The following MTG1 variants were observed in gnomAD, a reference collection of about 807,000 sequenced individuals.
The protein encoded by MTG1 is mitochondrial ribosome-associated GTPase 1.
A neutral mutation model predicts 39.5 loss-of-function variants in MTG1; 30 were observed. The ratio of observed to expected loss-of-function variants is 0.76; its 90% CI spans 0.57 to 1.03. The LOEUF (loss-of-function observed/expected upper bound fraction) is 1.03. Ranked by LOEUF, MTG1 falls within the 50% of genes least tolerant of loss-of-function variation. The pLI, the probability that MTG1 is intolerant of heterozygous loss-of-function variation, is 0.00. For synonymous variants in MTG1, 217 were observed against 179.0 expected (o/e 1.21, Z -1.69); for missense variants, 513 against 447.4 (o/e 1.15, Z -1.32).
At chr10:133,408,436 ATGT>A (rs1849999936) in intron 9 of MTG1, among the ~76,000 whole-genome samples, 1 of 152,158 alleles carries the variant, frequency 6.6e-6, no homozygotes, top group African/African-American at 2.4e-5. Flanking sequence ...TCTTTGTAAC[ATGT>A]TGTTGAATTT....
In MTG1 at chr10:133,422,378, G is replaced by C. The variant is rs1364724594; in HGVS notation, c.*2213G>C. ...CAGGGAGGCCTCTTCAGCGGGATTG[G>C]CAGTTGCTGTGCCCTGAGAACAGGC... On this transcript the variant is annotated 3_prime_UTR_variant, in exon 11 of 11. Transcript: ENST00000317502. 6.6e-6 allele frequency: 1 copy of C among 152,424 alleles called. No homozygotes were observed. The highest frequency in any genetic ancestry group is 2.4e-5 in the African/African-American group (1 of 41,456). The allele number at this position is 152,424 out of a possible 1,614,324, so 9.4% of individuals were successfully genotyped here. A position where few individuals can be genotyped will look rare whatever the true frequency, so the allele number is the denominator to read the frequency against.
intron 9 of MTG1, among the ~76,000 whole-genome samples, chr10:133,408,734 G>A (rs1346457094): frequency 2.6e-5 from 4 of 152,028 alleles, no homozygotes; most frequent in African/African-American, 7.2e-5. Context: ...ACTTATTATC[G>A]ATCTGTTCAA....
At chr10:133,415,514 C>T (rs922781566) in intron 9 of MTG1, among the ~76,000 whole-genome samples, 2 of 152,028 alleles carry the variant, frequency 1.3e-5, no homozygotes, top group African/African-American at 2.4e-5. Flanking sequence ...TCTGATGAGC[C>T]GTCTGCGGTC....
At chr10:133,395,568 C>T (rs1212450028) in intron 1 of MTG1, 145 bp from the exon 2 acceptor site, 5 of 754,686 alleles carry the variant, frequency 6.6e-6, no homozygotes, top group Admixed American at 2.3e-5. Context: ...CGGATGTTAT[C>T]TGTTACCATT....
intron 9 of MTG1, among the ~76,000 whole-genome samples, chr10:133,404,021 C>T (rs1055669969): frequency 1.3e-5 from 2 of 149,266 alleles, no homozygotes; most frequent in African/African-American, 4.9e-5. Context: ...CGTTGAGCAT[C>T]TTCATGTGCT....
chr10:133,408,981 A>C (rs1850007242), intron 9 of MTG1, among the ~76,000 whole-genome samples: 1 of 149,078 alleles, frequency 6.7e-6, no homozygotes, highest in Admixed American at 6.7e-5. Flanking sequence ...TTTTTGAAAT[A>C]ATTTTTTGTT....
chr10:133,401,473 T>C, intron 6 of MTG1, 56 bp from the exon 7 acceptor site: 2 of 1,454,046 alleles, frequency 1.4e-6, no homozygotes, highest in Non-Finnish European at 1.9e-6. Context: ...CCCTACTTGT[T>C]CTGCAGCTTC....
chr10:133,394,665 C>T, intron 1 of MTG1: 1 of 1,165,668 alleles, frequency 8.6e-7, no homozygotes, highest in Non-Finnish European at 1.1e-6. Context: ...CCGAAGCCTC[C>T]GTTTCCACAT....
At chr10:133,394,779 G>T in intron 1 of MTG1, 1 of 972,014 alleles carries the variant, frequency 1.0e-6, no homozygotes. Flanking sequence ...TCGTTCTCCT[G>T]CTTAACGTCT....
At chr10:133,417,859 T>C (rs938677671) in intron 9 of MTG1, among the ~76,000 whole-genome samples, 1 of 152,052 alleles carries the variant, frequency 6.6e-6, no homozygotes, top group Non-Finnish European at 1.5e-5. Context: ...AAACCACTGC[T>C]CAATGAAATA....
At chr10:133,409,387 C>T (rs180699426) in intron 9 of MTG1, among the ~76,000 whole-genome samples, 4 of 152,244 alleles carry the variant, frequency 2.6e-5, no homozygotes, top group African/African-American at 7.2e-5. Context: ...TTTATTTCAT[C>T]GAGTCAGAAA....
Position 133,419,526 on chromosome 10 carries a change from C to G in MTG1, c.799C>G (p.Arg267Gly), listed in dbSNP as rs758481237. 15 of 1,609,624 alleles carry G rather than the reference C, an allele frequency of 9.3e-6. No homozygotes were observed. Among genetic ancestry groups the G allele is most frequent in the Non-Finnish European group, 1.3e-5 (15 of 1,178,370 alleles). Reference sequence around the variant, plus strand: ...GGGCAGTGCCTGTGACAACGTAGAGCGCGTGCTGAAGAGTGTGGCTGTGAA... The same window carrying G: ...GGGCAGTGCCTGTGACAACGTAGAGGGCGTGCTGAAGAGTGTGGCTGTGAA... Reference protein sequence around the residue: ...GLGSACDNVERVLKSVAVKLG... With the variant: ...GLGSACDNVEGVLKSVAVKLG... Residue 267 changes from arginine to glycine, a missense_variant, in exon 10 of 11, where the codon CGC (arginine) becomes GGC (glycine). Transcript: ENST00000317502.
chr10:133,420,435 A>G lies in MTG1; in HGVS notation c.*270A>G. ...GAGCTTCCTGCTCAGGCCTCTTGAG[A>G]AATGGATGCTGTCTCAGAAGGAGTT... On this transcript the variant is annotated 3_prime_UTR_variant, in exon 11 of 11. Transcript: ENST00000317502. The G allele has an allele frequency of 2.4e-6, 1 of 417,500 alleles. No homozygotes were observed. The highest frequency in any genetic ancestry group is 4.2e-6 in the Non-Finnish European group (1 of 236,688). 25.9% of individuals were successfully genotyped at this position (417,500 alleles called of 1,614,324 possible).
At position 133,402,603 on chromosome 10, in the gene MTG1, T is replaced by C. The variant is rs1434598166; in HGVS notation, c.671-89T>C. 6 of 1,206,982 alleles carry C rather than the reference T, an allele frequency of 5.0e-6. No individual in the cohort carries two copies. Among genetic ancestry groups the C allele is most frequent in the African/African-American group, 4.5e-5 (3 of 66,160 alleles). 74.8% of individuals were successfully genotyped at this position (1,206,982 alleles called of 1,614,324 possible). The stretch of plus-strand genomic sequence containing the variant: ...CCTCTTCCTCACGGCACGGTGTCTT[T>C]GGGCTAGGACTGGAAGGGATGTGTT... On this transcript the variant is annotated intron_variant, in intron 8 of 10. Coordinates refer to ENST00000317502, the MANE Select transcript of MTG1 (RefSeq NM_138384.4). This position sits in a 1 kb window ranked among gnomAD's most constrained non-coding sequence, Gnocchi z 4.7.
Position 133,399,723 on chromosome 10 carries a change from G to A in MTG1, c.511+104G>A, listed in dbSNP as rs1468186273. 5.8e-6 allele frequency: 7 copies of A among 1,201,162 alleles called. No homozygotes were observed. In the African/African-American group the frequency reaches 1.0e-4, roughly 18 times the overall value. 74.4% of individuals were successfully genotyped at this position (1,201,162 alleles called of 1,614,324 possible). A position where few individuals can be genotyped will look rare whatever the true frequency, so the allele number is the denominator to read the frequency against. On this transcript the variant is annotated intron_variant, in intron 6 of 10. Transcript: ENST00000317502. ...GGAGGGGACGTGCCCGAGGAGCACT[G>A]CCAGTCTTCTGCTGACCCCGCAGCC...
Position 133,394,197 on chromosome 10 carries a change from A to G in MTG1, c.-24A>G. On this transcript the variant is annotated 5_prime_UTR_variant, in exon 1 of 11. Coordinates refer to ENST00000317502, the MANE Select transcript of MTG1 (RefSeq NM_138384.4). ...CGGCGCAGAGGAGGTCAGCTGCGGG[A>G]GCGTTTCCGGGGACGGTGCCGCCAT... The G allele has an allele frequency of 6.7e-7, 1 of 1,500,188 alleles. No individual in the cohort carries two copies. Among genetic ancestry groups the G allele is most frequent in the Non-Finnish European group, 8.9e-7 (1 of 1,124,462 alleles). 92.9% of individuals were successfully genotyped at this position (1,500,188 alleles called of 1,614,324 possible). A position where few individuals can be genotyped will look rare whatever the true frequency, so the allele number is the denominator to read the frequency against.
intron 6 of MTG1, 139 bp from the exon 7 acceptor site, chr10:133,401,390 G>C (rs1589911111): frequency 1.6e-6 from 1 of 644,892 alleles, no homozygotes; most frequent in East Asian, 3.0e-5. Context: ...TAGTCTCCCT[G>C]CTTGGCTGGT....
intron 9 of MTG1, among the ~76,000 whole-genome samples, chr10:133,403,344 GC>G: frequency 7.8e-6 from 1 of 128,752 alleles, no homozygotes; most frequent in South Asian, 2.8e-4. Flanking sequence ...AAGGAAATGA[GC>G]GTTCCCGTCA....
intron 9 of MTG1, among the ~76,000 whole-genome samples, chr10:133,404,609 T>C (rs779184609): frequency 6.6e-6 from 1 of 152,226 alleles, no homozygotes; most frequent in Non-Finnish European, 1.5e-5. Flanking sequence ...CTTGTTGTCA[T>C]ATCTAAGAAA....
Sources: allele counts gnomAD v4.1 joint callset (sites outside exome capture counted in the v4.1 genomes callset), GRCh38; gene constraint gnomAD v4.1.1; non-coding constraint Gnocchi (gnomAD v3.1); transcripts MANE v1.5; gene names NCBI Gene and HGNC (gene_info 2026-07-23, HGNC 2026-07-21).